EPHA10: variants seen among roughly 807,000 people sequenced by gnomAD.
The protein encoded by EPHA10 is ephrin type-A receptor 10.
In EPHA10, 120 loss-of-function variants were observed where a neutral mutation model predicts 109.7. The observed-to-expected ratio is 1.09, with a 90% CI of 0.94 to 1.27. The LOEUF (loss-of-function observed/expected upper bound fraction) is 1.27, where lower values mean the gene tolerates loss of function less well. Ranked by LOEUF, EPHA10 falls within the 50% of genes most tolerant of loss-of-function variation. The pLI is 0.00. For missense variants in EPHA10, 1,396 were observed against 1,411.1 expected (o/e 0.99, Z 0.17); for synonymous variants, 640 against 618.9 (o/e 1.03, Z -0.51).
At position 37,723,083 on chromosome 1, in the gene EPHA10, G is replaced by A; in HGVS notation, c.1918C>T (p.Leu640=). ...LQAVHLFAKE[L]DAKSVTLERS... ...TCCAGCGTGACGCTTTTCGCATCCA[G>A]TTCCTTGGCGAACAGATGCACAGCC... Residue 640 remains leucine (L), a synonymous_variant, in exon 10 of 17, where the codon CTG becomes TTG. Coordinates refer to ENST00000373048, the MANE Select transcript of EPHA10 (RefSeq NM_001099439.2). 1 of 1,614,234 alleles carries A rather than the reference G, an allele frequency of 6.2e-7. No individual in the cohort carries two copies.
chr1:37,741,852 T>TC (rs989136614), intron 5 of EPHA10, among the ~76,000 whole-genome samples: 5 of 151,110 alleles, frequency 3.3e-5, no homozygotes, highest in Non-Finnish European at 7.4e-5. Context: ...CTCTTCCCTA[T>TC]CCCCCGGGGG....
intron 8 of EPHA10, among the ~76,000 whole-genome samples, chr1:37,725,784 C>T (rs1173942007): frequency 6.6e-6 from 1 of 152,062 alleles, no homozygotes; most frequent in Non-Finnish European, 1.5e-5. Flanking sequence ...AGGAGAGAGG[C>T]TTCCACTGGA....
Position 37,716,113 on chromosome 1 carries a change from T to C in EPHA10, c.*2259A>G, listed in dbSNP as rs1645687603. The C allele has an allele frequency of 2.2e-6, 1 of 449,584 alleles. No homozygotes were observed. The highest frequency in any genetic ancestry group is 4.2e-6 in the Non-Finnish European group (1 of 238,744). 27.8% of individuals were successfully genotyped at this position (449,584 alleles called of 1,614,324 possible). A position where few individuals can be genotyped will look rare whatever the true frequency, so the allele number is the denominator to read the frequency against. On this transcript the variant is annotated 3_prime_UTR_variant, in exon 17 of 17. Transcript: ENST00000373048. ...GTAATGGGGGCTTGCAGGCCACCTC[T>C]GTCCAGTGAACAAGTTCCATATAAA...
At chr1:37,742,856 G>T (rs1056880531) in intron 5 of EPHA10, among the ~76,000 whole-genome samples, 5 of 152,066 alleles carry the variant, frequency 3.3e-5, no homozygotes, top group Non-Finnish European at 5.9e-5. Flanking sequence ...AGTTAGCTAG[G>T]CATGTTGGCA....
chr1:37,764,934 C>T lies in EPHA10; in HGVS notation c.106+27G>A, dbSNP rs1201773170. 15 of 1,579,942 alleles carry T rather than the reference C, an allele frequency of 9.5e-6. No individual in the cohort carries two copies. The highest frequency in any genetic ancestry group is 1.2e-5 in the Non-Finnish European group (14 of 1,162,882). ...CCCCTATCTTTTGGTATGCCACGCT[C>T]CGAGCAGAGCTCACCAGTCTTCTCA... On this transcript the variant is annotated intron_variant, in intron 1 of 16. Transcript: ENST00000373048. This position sits in a 1 kb window ranked among gnomAD's most constrained non-coding sequence, Gnocchi z 5.8.
chr1:37,719,332 A>G, intron 15 of EPHA10, 82 bp downstream of exon 15: 1 of 1,471,384 alleles, frequency 6.8e-7, no homozygotes, highest in Non-Finnish European at 9.3e-7. Context: ...GGGGTGGTGG[A>G]GGCGGTGGGT....
intron 15 of EPHA10, 154 bp from the exon 16 acceptor site, chr1:37,718,970 GTGA>G (rs1161102719): frequency 5.9e-5 from 58 of 982,632 alleles, no homozygotes; most frequent in Non-Finnish European, 8.6e-5. Flanking sequence ...CTGTGCATTC[GTGA>G]AGAAGCGAGG....
chr1:37,740,129 G>A (rs942131705), intron 5 of EPHA10, among the ~76,000 whole-genome samples: 17 of 151,978 alleles, frequency 1.1e-4, no homozygotes, highest in East Asian at 1.9e-4. Context: ...TTTGGACAAC[G>A]TATCTAGTTA....
chr1:37,722,960 G>A lies in EPHA10; in HGVS notation c.1960+81C>T, dbSNP rs767967390. On this transcript the variant is annotated intron_variant, in intron 10 of 16. Coordinates refer to ENST00000373048, the MANE Select transcript of EPHA10 (RefSeq NM_001099439.2). ...GGTGGAGGTGGGCTTCAGGATAGAG[G>A]TGTGGACAGAGTAGGGGCGGGGCCT... 1.2e-5 allele frequency: 20 copies of A among 1,600,114 alleles called. 1 individual carries two copies. In the South Asian group the frequency reaches 1.3e-4, roughly 11 times the overall value.
intron 15 of EPHA10, chr1:37,719,196 G>A (rs565509557): frequency 3.6e-5 from 22 of 612,376 alleles, no homozygotes; most frequent in Admixed American, 5.9e-5. Context: ...CATTGTACCC[G>A]GGGATGTGGG....
chr1:37,730,714 CAG>C (rs1480801849), intron 7 of EPHA10, among the ~76,000 whole-genome samples: 1 of 151,610 alleles, frequency 6.6e-6, no homozygotes, highest in Non-Finnish European at 1.5e-5. Context: ...TTTTTTGAGA[CAG>C]AGTCTCACTC....
At chr1:37,735,481 G>A in intron 5 of EPHA10, 91 bp from the exon 6 acceptor site, 1 of 1,464,714 alleles carries the variant, frequency 6.8e-7, no homozygotes, top group Non-Finnish European at 9.2e-7. Context: ...GCGGGGCTGT[G>A]GGACCGGACT....
chr1:37,761,915 T>A lies in EPHA10; in HGVS notation c.340A>T (p.Ser114Cys), dbSNP rs746306885. Residue 114 changes from serine (S) to cysteine (C), a missense_variant, in exon 3 of 17, where the codon AGC becomes TGC. Physicochemically the swap from Ser to Cys is moderately radical, Grantham distance 112. Coordinates refer to ENST00000373048, the MANE Select transcript of EPHA10 (RefSeq NM_001099439.2). ...ELQFTLRDCS[S>C]IPGAAGTCKE... ...CAGGTACCCGCGGCGCCAGGGATGC[T>A]GCTGCAGTCACGGAGTGTGAACTGC... 1.2e-6 allele frequency: 2 copies of A among 1,613,192 alleles called. No individual in the cohort carries two copies. Among genetic ancestry groups the A allele is most frequent in the Non-Finnish European group, 8.5e-7 (1 of 1,179,374 alleles).
At position 37,716,196 on chromosome 1, in the gene EPHA10, C is replaced by T; in HGVS notation, c.*2176G>A. The T allele has an allele frequency of 2.8e-6, 1 of 354,568 alleles. No homozygotes were observed. Among genetic ancestry groups the T allele is most frequent in the South Asian group, 3.2e-5 (1 of 31,402 alleles). 22.0% of individuals were successfully genotyped at this position (354,568 alleles called of 1,614,324 possible). Reference sequence around the variant, plus strand: ...CGCCCCACATCACATCTGTGCAGGGCTGAGGCCTGGGACCCAACAGGATTC... The same window carrying T: ...CGCCCCACATCACATCTGTGCAGGGTTGAGGCCTGGGACCCAACAGGATTC... On this transcript the variant is annotated 3_prime_UTR_variant, in exon 17 of 17. Transcript: ENST00000373048.
intron 5 of EPHA10, among the ~76,000 whole-genome samples, chr1:37,752,062 G>A (rs1002214294): frequency 1.3e-5 from 2 of 152,120 alleles, no homozygotes; most frequent in Admixed American, 1.3e-4. Flanking sequence ...GGGATGCAGG[G>A]TGACAGGCCG....
chr1:37,746,740 A>T (rs1646247628), intron 5 of EPHA10, among the ~76,000 whole-genome samples: 1 of 152,248 alleles, frequency 6.6e-6, no homozygotes, highest in South Asian at 2.1e-4. Context: ...ATGAATGGAT[A>T]AGCAAAATTG....
Position 37,761,918 on chromosome 1 carries a change from T to C in EPHA10, c.337A>G (p.Ser113Gly). The C allele has an allele frequency of 6.2e-7, 1 of 1,613,298 alleles. No individual in the cohort carries two copies. Among genetic ancestry groups the C allele is most frequent in the Non-Finnish European group, 8.5e-7 (1 of 1,179,430 alleles). ...GTACCCGCGGCGCCAGGGATGCTGC[T>C]GCAGTCACGGAGTGTGAACTGCAGT... is the stretch of plus-strand genomic sequence containing the variant. ...VELQFTLRDC[S>G]SIPGAAGTCK... Residue 113 changes from serine to glycine, a missense_variant, in exon 3 of 17, where the codon AGC becomes GGC. Physicochemically the swap from Ser to Gly is moderately conservative, Grantham distance 56. Coordinates refer to ENST00000373048, the MANE Select transcript of EPHA10 (RefSeq NM_001099439.2).
intron 6 of EPHA10, among the ~76,000 whole-genome samples, chr1:37,733,801 ACTCTCT>A (rs377178861): frequency 6.9e-6 from 1 of 143,902 alleles, no homozygotes; most frequent in African/African-American, 2.6e-5. Context: ...CAACACTCTC[ACTCTCT>A]CTCTCTCTCT....
rs551136189 is a variant in EPHA10 at position 37,717,634 on chromosome 1, G to A, written c.*738C>T. On this transcript the variant is annotated 3_prime_UTR_variant, in exon 17 of 17. Coordinates refer to ENST00000373048, the MANE Select transcript of EPHA10 (RefSeq NM_001099439.2). ...CTAAGTTCATAAAAGGAATGCACAC[G>A]AGGGCCTCATGGGGCCCCAGGGAGC... 2 of 231,548 alleles carry A rather than the reference G, an allele frequency of 8.6e-6. No homozygotes were observed. The highest frequency in any genetic ancestry group is 2.2e-5 in the African/African-American group (1 of 45,314). The allele number at this position is 231,548 out of a possible 1,614,324, so 14.3% of individuals were successfully genotyped here.
Sources: gnomAD v4.1 joint callset for allele counts (sites outside exome capture counted in the v4.1 genomes callset) on GRCh38, gnomAD v4.1.1 for gene constraint, Gnocchi (gnomAD v3.1) non-coding constraint, MANE v1.5 for transcripts, NCBI Gene and HGNC (gene_info 2026-07-23, HGNC 2026-07-21) for gene names.